GRM7: variants seen among roughly 807,000 people sequenced by gnomAD.
GRM7 encodes glutamate metabotropic receptor 7, also known as metabotropic glutamate receptor 7.
A neutral mutation model predicts 84.5 loss-of-function variants in GRM7; 35 were observed. That is an observed-to-expected ratio of 0.41 (90% CI 0.32 to 0.55). GRM7 has a LOEUF of 0.55. GRM7 is among the 20% of genes least tolerant of loss of function. The pLI is 0.19. For missense variants in GRM7, 1,003 were observed against 1,194.6 expected, an observed-to-expected ratio of 0.84 and a Z score of 2.36; for synonymous variants, 487 against 455.1, an observed-to-expected ratio of 1.07 and a Z score of -0.89.
chr3:7,579,023 C>G lies in GRM7; in HGVS notation c.2117C>G (p.Thr706Ser). 6.2e-7 allele frequency: 1 copy of G among 1,613,880 alleles called. No homozygotes were observed. The highest frequency in any genetic ancestry group is 8.5e-7 in the Non-Finnish European group (1 of 1,179,786). ...LISPTSQLAI[T>S]SSLISVQLLG... ...AGCCCAACATCACAACTGGCAATCA[C>G]TTCCAGTTTAATATCAGTTCAGCTT... The change falls in exon 8 of 10, where the codon ACT becomes AGT. Residue 706 changes from threonine to serine, a missense_variant. By Grantham distance (58) the Thr-to-Ser change is moderately conservative. Around this residue, in one of 2 missense-constraint regions of GRM7, gnomAD observed 910 missense variants for 1,126.0 expected, o/e 0.81. Coordinates refer to ENST00000357716, the MANE Select transcript of GRM7 (RefSeq NM_000844.4).
At chr3:7,117,048 G>A (rs1384184746) in intron 1 of GRM7, among the ~76,000 whole-genome samples, 1 of 152,170 alleles carries the variant, frequency 6.6e-6, no homozygotes, top group Admixed American at 6.5e-5. Context: ...AGATTGGGAA[G>A]TGTTGGGGTT....
rs185377804 is a variant in GRM7, at chr3:7,350,970, T to G, written c.1033+44318T>G. Among the ~76,000 whole-genome samples, 357 of 152,170 alleles carry G rather than the reference T, an allele frequency of 2.3e-3. 1 individual carries two copies. Among genetic ancestry groups the G allele is most frequent in the African/African-American group, 8.0e-3 (333 of 41,556 alleles). On this transcript the variant is annotated intron_variant, in intron 4 of 9. Coordinates refer to ENST00000357716, the MANE Select transcript of GRM7 (RefSeq NM_000844.4). The stretch of plus-strand genomic sequence containing the variant: ...TGTAGAAGATCAGAGTAAATCTCCT[T>G]TCATCATTGAAACTTGTTTATTCTT...
intron 4 of GRM7, among the ~76,000 whole-genome samples, chr3:7,325,449 A>C (rs1700946867): frequency 1.3e-5 from 2 of 152,144 alleles, no homozygotes; most frequent in African/African-American, 4.8e-5. Context: ...GTATGTCTGG[A>C]GTAGGATAAA....
chr3:7,139,647 A>T (rs1693881610), intron 1 of GRM7, among the ~76,000 whole-genome samples: 1 of 151,974 alleles, frequency 6.6e-6, no homozygotes, highest in Non-Finnish European at 1.5e-5. Context: ...AGGATTCTAG[A>T]TCAATGTATA....
intron 1 of GRM7, among the ~76,000 whole-genome samples, chr3:6,962,339 A>G (rs919383226): frequency 1.3e-5 from 2 of 152,222 alleles, no homozygotes; most frequent in African/African-American, 4.8e-5. Flanking sequence ...AATTATATCT[A>G]CTGACACTAG....
intron 7 of GRM7, among the ~76,000 whole-genome samples, chr3:7,531,775 C>T (rs537032282): frequency 6.6e-6 from 1 of 152,230 alleles, no homozygotes; most frequent in Non-Finnish European, 1.5e-5. Context: ...TTCCTCTCTT[C>T]CTATTTGAAT....
intron 6 of GRM7, among the ~76,000 whole-genome samples, chr3:7,459,773 A>G (rs1289202163): frequency 6.6e-6 from 1 of 152,224 alleles, no homozygotes; most frequent in African/African-American, 2.4e-5. Flanking sequence ...GCCAAACCGT[A>G]TCAGGGCATT....
chr3:7,362,182 G>T (rs781598670), intron 4 of GRM7, among the ~76,000 whole-genome samples: 1 of 152,164 alleles, frequency 6.6e-6, no homozygotes, highest in Middle Eastern at 3.4e-3. Context: ...TTAGTCATTT[G>T]TAACAGCGTA....
chr3:7,029,296 T>C lies in GRM7; in HGVS notation c.520-117156T>C, dbSNP rs1333631814. 2.4e-5 allele frequency among the ~76,000 whole-genome samples: 3 copies of C among 126,042 alleles called. No individual in the cohort carries two copies. The Admixed American group carries it at 2.6e-4, about 11-fold the overall frequency. The allele number at this position is 126,042 out of a possible 152,430, so 82.7% of individuals were successfully genotyped here. ...TCTAGCCTGAGTGACAGTGAGACTC[T>C]GCCTCAAAAAAAAAAAAACAAAAAA... is the stretch of plus-strand genomic sequence containing the variant. On this transcript the variant is annotated intron_variant, in intron 1 of 9. Coordinates refer to ENST00000357716, the MANE Select transcript of GRM7 (RefSeq NM_000844.4).
chr3:6,998,845 C>A (rs1191283190), intron 1 of GRM7, among the ~76,000 whole-genome samples: 3 of 152,196 alleles, frequency 2.0e-5, no homozygotes, highest in Non-Finnish European at 2.9e-5. Context: ...CTGCACAAAG[C>A]AGCAAGGCCC....
intron 1 of GRM7, among the ~76,000 whole-genome samples, chr3:6,950,472 G>T (rs996743804): frequency 2.6e-5 from 4 of 152,328 alleles, no homozygotes; most frequent in Admixed American, 6.5e-5. Context: ...CCCTACTGGG[G>T]GGTGCCTCCC....
At position 7,624,166 on chromosome 3, in the gene GRM7, G is replaced by A. The variant is rs551056483; in HGVS notation, c.2451+44809G>A. On this transcript the variant is annotated intron_variant, in intron 8 of 9. Coordinates refer to ENST00000357716, the MANE Select transcript of GRM7 (RefSeq NM_000844.4). ...AAATTAACCAAAGTCAATAGTGTTA[G>A]AGGTTACATTCAAAATATGATGTAG... is the stretch of plus-strand genomic sequence containing the variant. Among the ~76,000 whole-genome samples the A allele has an allele frequency of 2.2e-4, 33 of 152,270 alleles. No individual in the cohort carries two copies. The South Asian group carries it at 6.4e-3, about 30-fold the overall frequency.
chr3:6,911,707 C>A (rs1197243570), intron 1 of GRM7, among the ~76,000 whole-genome samples: 1 of 152,140 alleles, frequency 6.6e-6, no homozygotes. Context: ...TCTACTTTAG[C>A]TCTTGCTTAT....
intron 1 of GRM7, among the ~76,000 whole-genome samples, chr3:6,979,648 A>G (rs188562383): frequency 6.6e-4 from 101 of 152,326 alleles, no homozygotes; most frequent in African/African-American, 2.4e-3. Flanking sequence ...ACAAAGGTCT[A>G]TTATTGATAT....
At position 7,690,289 on chromosome 3, in the gene GRM7, C is replaced by T. The variant is rs543969564; in HGVS notation, c.2698+9994C>T. Among the ~76,000 whole-genome samples the T allele has an allele frequency of 3.3e-4, 50 of 152,224 alleles. No homozygotes were observed. The South Asian group carries it at 0.01, about 30-fold the overall frequency. On this transcript the variant is annotated intron_variant, in intron 9 of 9. Coordinates refer to ENST00000357716, the MANE Select transcript of GRM7 (RefSeq NM_000844.4). ...AAGTACTAGGCTGTGAGAAAATGTG[C>T]TTGGAATGAGTAGCGCACAATACTT...
intron 8 of GRM7, among the ~76,000 whole-genome samples, chr3:7,580,456 A>C (rs1022513996): frequency 3.3e-5 from 5 of 152,168 alleles, no homozygotes; most frequent in Admixed American, 2.0e-4. Flanking sequence ...AATGTCTAAA[A>C]ATTTACAACA....
intron 1 of GRM7, among the ~76,000 whole-genome samples, chr3:6,912,214 G>A (rs554642532): frequency 6.6e-6 from 1 of 152,190 alleles, no homozygotes; most frequent in Admixed American, 6.5e-5. Context: ...AATATGTTTG[G>A]GAAATGCTGC....
At chr3:7,109,587 A>C (rs561874909) in intron 1 of GRM7, among the ~76,000 whole-genome samples, 1 of 152,216 alleles carries the variant, frequency 6.6e-6, no homozygotes, top group Admixed American at 6.5e-5. Context: ...GGTACAGCTT[A>C]ATTAGGAGAT....
chr3:7,031,803 A>G (rs112394286), intron 1 of GRM7, among the ~76,000 whole-genome samples: 1 of 151,878 alleles, frequency 6.6e-6, no homozygotes, highest in Non-Finnish European at 1.5e-5. Context: ...GATTTTGTTC[A>G]CTTTTATCCC....
Sources: allele counts gnomAD v4.1 joint callset (sites outside exome capture counted in the v4.1 genomes callset), GRCh38; gene constraint gnomAD v4.1.1; regional missense constraint gnomAD v4.1.1; transcripts MANE v1.5; gene names NCBI Gene and HGNC (gene_info 2026-07-23, HGNC 2026-07-21).